The following DGKI variants were observed in gnomAD, a reference collection of about 807,000 sequenced individuals.
The protein encoded by DGKI is DAG kinase iota.
A neutral mutation model predicts 147.5 loss-of-function variants in DGKI; 55 were observed. The observed-to-expected ratio is 0.37, with a 90% CI of 0.30 to 0.47. DGKI has a LOEUF of 0.47. Ranked by LOEUF, DGKI falls within the 20% of genes least tolerant of loss-of-function variation. DGKI has a pLI of 1.00. For missense variants in DGKI, 1,007 were observed against 1,323.8 expected, an observed-to-expected ratio of 0.76 and a Z score of 3.71; for synonymous variants, 469 against 477.1, an observed-to-expected ratio of 0.98 and a Z score of 0.22.
At chr7:137,638,325 T>C (rs1178137864) in intron 6 of DGKI, among the ~76,000 whole-genome samples, 1 of 150,858 alleles carries the variant, frequency 6.6e-6, no homozygotes, top group African/African-American at 2.4e-5. Flanking sequence ...CCTCCTCCAA[T>C]TTTTATCTTA....
At chr7:137,713,260 TGGCTC>T (rs1320121298) in intron 1 of DGKI, among the ~76,000 whole-genome samples, 7 of 152,176 alleles carry the variant, frequency 4.6e-5, no homozygotes, top group Non-Finnish European at 7.3e-5. Context: ...AATAGATACC[TGGCTC>T]CAGCTTGGAA....
At chr7:137,441,896 A>G (rs955026104) in intron 28 of DGKI, among the ~76,000 whole-genome samples, 1 of 152,194 alleles carries the variant, frequency 6.6e-6, no homozygotes, top group Non-Finnish European at 1.5e-5. Context: ...AATATGTAAG[A>G]TTGATGCTAT....
chr7:137,712,884 C>CA (rs758055187), intron 1 of DGKI, among the ~76,000 whole-genome samples: 19 of 152,238 alleles, frequency 1.2e-4, no homozygotes, highest in Non-Finnish European at 2.2e-4. Flanking sequence ...TCAGGGTTAG[C>CA]AAATAATCAA....
intron 1 of DGKI, among the ~76,000 whole-genome samples, chr7:137,703,595 G>T (rs1230042856): frequency 5.9e-5 from 9 of 152,176 alleles, no homozygotes; most frequent in African/African-American, 1.9e-4. Context: ...AGGTATTTAA[G>T]AAAGTATCTG....
At chr7:137,624,779 T>C (rs577403696) in intron 6 of DGKI, among the ~76,000 whole-genome samples, 21 of 148,836 alleles carry the variant, frequency 1.4e-4, no homozygotes, top group African/African-American at 4.8e-4. Flanking sequence ...TAATTTTTTG[T>C]ATTTTTTTAG....
Position 137,609,048 on chromosome 7 carries a change from C to T in DGKI, c.1085G>A (p.Arg362His), listed in dbSNP as rs747206720. The change falls in exon 10 of 33, where the codon CGT (arginine) becomes CAT (histidine). Residue 362 changes from arginine (R) to histidine (H), a missense_variant. By Grantham distance (29) the Arg-to-His change is conservative. This residue lies in a region of DGKI where 259 missense variants were observed against 362.5 expected (regional missense o/e 0.71). Transcript: ENST00000614521. The part of the protein sequence containing the change: ...KRGMEQENKG[R>H]PFVIKPISSP... ...AGAGATGGGTTTTATCACAAAAGGA[C>T]GACCTTTGTTTTCCTGCTGAAAGAA... The T allele has an allele frequency of 6.3e-5, 102 of 1,613,250 alleles. 1 individual carries two copies. The highest frequency in any genetic ancestry group is 1.6e-4 in the Middle Eastern group (1 of 6,080).
chr7:137,492,925 G>A (rs886981570), intron 21 of DGKI, among the ~76,000 whole-genome samples: 1 of 152,156 alleles, frequency 6.6e-6, no homozygotes, highest in Non-Finnish European at 1.5e-5. Flanking sequence ...CTCCAGCCCA[G>A]TGGCCTCTGC....
intron 3 of DGKI, among the ~76,000 whole-genome samples, chr7:137,658,422 G>A (rs1405113456): frequency 6.6e-6 from 1 of 152,152 alleles, no homozygotes; most frequent in Non-Finnish European, 1.5e-5. Context: ...GCGACACAAA[G>A]GAAACTGGAG....
At chr7:137,745,448 A>G (rs1010029730) in intron 1 of DGKI, among the ~76,000 whole-genome samples, 2 of 152,258 alleles carry the variant, frequency 1.3e-5, no homozygotes, top group Non-Finnish European at 2.9e-5. Context: ...AAATTCCAGA[A>G]ATAAACAGCA....
intron 27 of DGKI, among the ~76,000 whole-genome samples, chr7:137,452,100 C>T (rs923084529): frequency 2.0e-5 from 3 of 152,176 alleles, no homozygotes; most frequent in Admixed American, 6.5e-5. Context: ...ATCTCTATTC[C>T]GTGTCCCCAA....
At chr7:137,746,552 T>C (rs1418306329) in intron 1 of DGKI, among the ~76,000 whole-genome samples, 2 of 148,996 alleles carry the variant, frequency 1.3e-5, no homozygotes, top group Non-Finnish European at 2.9e-5. Flanking sequence ...AATCCAGAGA[T>C]GTTGTTTGTT....
rs199979009 is a variant in DGKI at position 137,412,233 on chromosome 7, C to A, written c.2762-26G>T. 2.5e-6 allele frequency: 4 copies of A among 1,606,288 alleles called. No homozygotes were observed. The Admixed American group carries it at 6.7e-5, about 27-fold the overall frequency. On this transcript the variant is annotated intron_variant, in intron 28 of 32. Coordinates refer to ENST00000614521, the MANE Select transcript of DGKI (RefSeq NM_001321708.2). Reference sequence around the variant, plus strand: ...CTGTGAAAGACAAAAGAGAGATGTCCCATTAGTAGAAGACCCTCTTATTAA... The same window carrying A: ...CTGTGAAAGACAAAAGAGAGATGTCACATTAGTAGAAGACCCTCTTATTAA...
In DGKI at chr7:137,678,622, G is replaced by A. The variant is rs775067133; in HGVS notation, c.541C>T (p.Leu181=). The change falls in exon 3 of 33, where the codon CTG becomes TTG. Residue 181 remains leucine, a synonymous_variant. Transcript: ENST00000614521. ...ENAVNGEHLW[L]ETNVSGDLCY... is the part of the protein sequence containing the mutation. The stretch of plus-strand genomic sequence containing the variant: ...AGGTCTCCCGAGACGTTGGTCTCCA[G>A]CCACAGGTGTTCTCCATTCACGGCA... 9 of 1,613,958 alleles carry A rather than the reference G, an allele frequency of 5.6e-6. No homozygotes were observed. The highest frequency in any genetic ancestry group is 1.7e-5 in the Admixed American group (1 of 59,996).
intron 6 of DGKI, among the ~76,000 whole-genome samples, chr7:137,638,276 C>T (rs1342818377): frequency 2.6e-5 from 4 of 151,558 alleles, no homozygotes; most frequent in African/African-American, 7.3e-5. Flanking sequence ...TTCACCTCTT[C>T]GTCTCTTCTT....
chr7:137,464,174 A>G (rs949370916), intron 26 of DGKI, among the ~76,000 whole-genome samples: 8 of 149,784 alleles, frequency 5.3e-5, no homozygotes, highest in Non-Finnish European at 1.2e-4. Flanking sequence ...GGACAATGGC[A>G]TGAACCCGGG....
chr7:137,612,129 A>G (rs994083373), intron 8 of DGKI, among the ~76,000 whole-genome samples: 1 of 151,896 alleles, frequency 6.6e-6, no homozygotes, highest in East Asian at 1.9e-4. Context: ...GGGAGCACAG[A>G]GTTAGAAAAA....
chr7:137,697,958 C>A (rs1272725951), intron 1 of DGKI, among the ~76,000 whole-genome samples: 1 of 151,308 alleles, frequency 6.6e-6, no homozygotes, highest in Non-Finnish European at 1.5e-5. Context: ...ATCTATCTAT[C>A]TGGAGATAGC....
intron 1 of DGKI, among the ~76,000 whole-genome samples, chr7:137,705,449 C>T (rs1013707294): frequency 9.2e-5 from 14 of 151,764 alleles, no homozygotes; most frequent in Admixed American, 9.2e-4. Flanking sequence ...AAACGTTATT[C>T]TGAGTGAAAA....
At chr7:137,687,172 C>T (rs559181582) in intron 2 of DGKI, among the ~76,000 whole-genome samples, 16 of 152,240 alleles carry the variant, frequency 1.1e-4, no homozygotes, top group Non-Finnish European at 1.8e-4. Context: ...ACCCCATCTG[C>T]CACTGTGGTC....
Sources: allele counts gnomAD v4.1 joint callset (sites outside exome capture counted in the v4.1 genomes callset), GRCh38; gene constraint gnomAD v4.1.1; regional missense constraint gnomAD v4.1.1; transcripts MANE v1.5; gene names NCBI Gene and HGNC (gene_info 2026-07-23, HGNC 2026-07-21).